PAK1: variants seen among roughly 807,000 people sequenced by gnomAD.
PAK1 encodes the protein serine/threonine-protein kinase PAK 1.
Under a neutral mutation model 67.4 loss-of-function variants are expected in PAK1, and 29 were observed. The observed-to-expected ratio is 0.43, with a 90% CI of 0.32 to 0.59. PAK1 has a LOEUF of 0.59. PAK1 is among the 20% of genes least tolerant of loss of function. PAK1 has a pLI of 0.07. For missense variants in PAK1, 337 were observed against 670.7 expected (o/e 0.50, Z 5.50); for synonymous variants, 223 against 237.4 (o/e 0.94, Z 0.56).
At chr11:77,435,230 CT>C (rs1333596450) in intron 1 of PAK1, among the ~76,000 whole-genome samples, 1 of 152,006 alleles carries the variant, frequency 6.6e-6, no homozygotes, top group Non-Finnish European at 1.5e-5. Context: ...CTCAATAAAG[CT>C]GCTAAACATA....
At chr11:77,421,997 C>T (rs544569999) in intron 1 of PAK1, among the ~76,000 whole-genome samples, 1 of 152,270 alleles carries the variant, frequency 6.6e-6, no homozygotes, top group East Asian at 1.9e-4. Context: ...TTAAATGTCA[C>T]CACTTCTATG....
intron 1 of PAK1, among the ~76,000 whole-genome samples, chr11:77,469,837 G>A (rs1267893179): frequency 6.6e-6 from 1 of 151,764 alleles, no homozygotes; most frequent in Non-Finnish European, 1.5e-5. Context: ...ATTTTTAGTT[G>A]ATATGTAATA....
the PAK1 span, among the ~76,000 whole-genome samples, chr11:77,504,429 T>C: frequency 1.3e-5 from 2 of 152,206 alleles, no homozygotes; most frequent in African/African-American, 4.8e-5. Flanking sequence ...TGAAGTATAA[T>C]GAAAAAAATC....
At chr11:77,432,460 TAAAG>T (rs1302762155) in intron 1 of PAK1, among the ~76,000 whole-genome samples, 2 of 150,514 alleles carry the variant, frequency 1.3e-5, no homozygotes, top group East Asian at 1.9e-4. Context: ...AAAAAAGAAA[TAAAG>T]AAAAGAAAAA....
intron 14 of PAK1, among the ~76,000 whole-genome samples, chr11:77,329,618 T>C (rs367639630): frequency 0.011 from 1,695 of 152,172 alleles, 10 homozygotes; most frequent in Middle Eastern, 0.017. Flanking sequence ...AAATTAGGTA[T>C]TGATGGGACA....
In PAK1 at chr11:77,379,393, AAG is replaced by A; in HGVS notation, c.292-7_292-6del. 1.9e-6 allele frequency: 3 copies of A among 1,611,266 alleles called. No homozygotes were observed. The highest frequency in any genetic ancestry group is 1.3e-5 in the African/African-American group (1 of 74,936). On this transcript the variant is annotated splice_polypyrimidine_tract_variant and splice_region_variant and intron_variant, in intron 3 of 14. Coordinates refer to ENST00000356341, the MANE Select transcript of PAK1 (RefSeq NM_002576.5). ...GGCCCACTGCTCTGGCATTCCCTGT[AAG>A]AGAGACATGCAAGACTAACAGGAAG...
chr11:77,427,107 C>T (rs973977026), intron 1 of PAK1, among the ~76,000 whole-genome samples: 2 of 152,302 alleles, frequency 1.3e-5, no homozygotes, highest in East Asian at 3.9e-4. Flanking sequence ...GCCTGTGATG[C>T]TTCCCACACA....
intron 14 of PAK1, among the ~76,000 whole-genome samples, chr11:77,326,805 G>C (rs1298830553): frequency 6.6e-6 from 1 of 152,160 alleles, no homozygotes; most frequent in Non-Finnish European, 1.5e-5. Context: ...CTGACGAGTT[G>C]AAAGAAGGCC....
chr11:77,505,141 G>A, the PAK1 span, among the ~76,000 whole-genome samples: 1 of 151,852 alleles, frequency 6.6e-6, no homozygotes, highest in Non-Finnish European at 1.5e-5. Flanking sequence ...ACCATTCAGT[G>A]GCATTAAGTA....
rs150725177 is a variant in PAK1 at position 77,472,366 on chromosome 11, T to C, written c.-22+1186A>G. Among the ~76,000 whole-genome samples the C allele has an allele frequency of 1.3e-4, 20 of 152,284 alleles. No individual in the cohort carries two copies. In the East Asian group the frequency reaches 3.9e-3, roughly 29 times the overall value. On this transcript the variant is annotated intron_variant, in intron 1 of 14. Coordinates refer to ENST00000356341, the MANE Select transcript of PAK1 (RefSeq NM_002576.5). ...AATTTTCCAAATAGGAACCAAAATG[T>C]TGTAAGTGCTGTGGTAGAAATCCCA...
chr11:77,376,906 T>C (rs950244238), intron 4 of PAK1, among the ~76,000 whole-genome samples: 2 of 152,176 alleles, frequency 1.3e-5, no homozygotes, highest in African/African-American at 4.8e-5. Context: ...ATTTAACTTC[T>C]CTGAGCCTAA....
the PAK1 span, among the ~76,000 whole-genome samples, chr11:77,482,083 G>T: frequency 3.3e-5 from 5 of 152,016 alleles, no homozygotes; most frequent in South Asian, 8.3e-4. Context: ...CCGCCTCCCG[G>T]GTTCAAGCAA....
chr11:77,372,863 C>G (rs1948619727), intron 5 of PAK1, among the ~76,000 whole-genome samples: 1 of 152,200 alleles, frequency 6.6e-6, no homozygotes, highest in South Asian at 2.1e-4. Flanking sequence ...TCAGCTCAGA[C>G]TTTACCATCA....
chr11:77,502,118 T>C, the PAK1 span, among the ~76,000 whole-genome samples: 1 of 152,242 alleles, frequency 6.6e-6, no homozygotes, highest in South Asian at 2.1e-4. Flanking sequence ...AAAATATTTA[T>C]ATAATTGAGA....
chr11:77,345,944 T>C (rs1302384514), intron 9 of PAK1, among the ~76,000 whole-genome samples: 12 of 152,078 alleles, frequency 7.9e-5, no homozygotes, highest in Admixed American at 7.2e-4. Context: ...GAGGCTAACA[T>C]GGAGGCTAGG....
intron 1 of PAK1, among the ~76,000 whole-genome samples, chr11:77,449,630 T>A (rs1335497199): frequency 6.6e-6 from 1 of 151,646 alleles, no homozygotes; most frequent in African/African-American, 2.4e-5. Context: ...TTACAATGTT[T>A]GTGTTAGTTT....
At chr11:77,352,465 T>C (rs1430051379) in intron 8 of PAK1, among the ~76,000 whole-genome samples, 1 of 152,212 alleles carries the variant, frequency 6.6e-6, no homozygotes, top group Admixed American at 6.5e-5. Flanking sequence ...GAAAAATTCC[T>C]ATCACCCAGT....
chr11:77,429,323 G>A (rs1955750550), intron 1 of PAK1, among the ~76,000 whole-genome samples: 1 of 152,088 alleles, frequency 6.6e-6, no homozygotes. Context: ...AATAAAATGA[G>A]TCCATACTGA....
rs765657293 is a variant in PAK1 at position 77,374,308 on chromosome 11, T to A, written c.477+20A>T. On this transcript the variant is annotated intron_variant, in intron 5 of 14. Transcript: ENST00000356341. ...ACCTCCACATCTGCCCACATCAAAA[T>A]AGAGTAAATAAAGACTTACCAAGGC... is the stretch of plus-strand genomic sequence containing the variant. 2.0e-6 allele frequency: 3 copies of A among 1,522,828 alleles called. No homozygotes were observed. The highest frequency in any genetic ancestry group is 2.7e-6 in the Non-Finnish European group (3 of 1,097,178). 94.3% of individuals were successfully genotyped at this position (1,522,828 alleles called of 1,614,324 possible). A position where few individuals can be genotyped will look rare whatever the true frequency, so the allele number is the denominator to read the frequency against.
Sources: allele counts gnomAD v4.1 joint callset (sites outside exome capture counted in the v4.1 genomes callset), GRCh38; gene constraint gnomAD v4.1.1; transcripts MANE v1.5; gene names NCBI Gene and HGNC (gene_info 2026-07-23, HGNC 2026-07-21).